The following SERPINI1 variants were observed in gnomAD, a reference collection of about 807,000 sequenced individuals.
The protein encoded by SERPINI1 is neuroserpin.
Under a neutral mutation model 41.1 loss-of-function variants are expected in SERPINI1, and 19 were observed. The observed-to-expected ratio is 0.46, with a 90% CI of 0.32 to 0.68. The LOEUF (loss-of-function observed/expected upper bound fraction) is 0.68. Among genes scored for constraint, SERPINI1 ranks in the 30% least tolerant of loss-of-function variants. The pLI, the probability that SERPINI1 is intolerant of heterozygous loss-of-function variation, is 0.03. For missense variants in SERPINI1, 460 were observed against 479.2 expected (o/e 0.96, Z 0.37); for synonymous variants, 138 against 156.6 (o/e 0.88, Z 0.89).
At chr3:167,811,458 TA>T (rs11361725) in intron 6 of SERPINI1, among the ~76,000 whole-genome samples, 78,986 of 145,850 alleles carry the variant, frequency 0.54, 21,805 homozygotes, top group East Asian at 0.94. Flanking sequence ...ATGAAATGGC[TA>T]AAAAAAAAAA....
intron 2 of SERPINI1, among the ~76,000 whole-genome samples, chr3:167,789,814 T>C (rs1465061020): frequency 6.6e-6 from 1 of 152,198 alleles, no homozygotes; most frequent in Non-Finnish European, 1.5e-5. Flanking sequence ...AAGATTTTTT[T>C]TGAAGTGTTA....
At chr3:167,807,063 T>C (rs986745493) in intron 5 of SERPINI1, among the ~76,000 whole-genome samples, 181 bp from the exon 6 acceptor site, 2 of 152,174 alleles carry the variant, frequency 1.3e-5, no homozygotes, top group African/African-American at 4.8e-5. Flanking sequence ...GTTATGTCAA[T>C]CTCTTTGATG....
chr3:167,768,329 CATA>C (rs2108543889), intron 1 of SERPINI1, among the ~76,000 whole-genome samples: 1 of 152,262 alleles, frequency 6.6e-6, no homozygotes, highest in South Asian at 2.1e-4. Flanking sequence ...TTTTTTTAGA[CATA>C]ATGCTATTGC....
chr3:167,808,051 G>A (rs1265379332), intron 6 of SERPINI1, among the ~76,000 whole-genome samples: 1 of 152,032 alleles, frequency 6.6e-6, no homozygotes, highest in Admixed American at 6.6e-5. Context: ...CCAGGAGGCA[G>A]AGGTTGAAGT....
chr3:167,788,544 C>T (rs1299735839), intron 1 of SERPINI1, among the ~76,000 whole-genome samples: 1 of 152,166 alleles, frequency 6.6e-6, no homozygotes, highest in Non-Finnish European at 1.5e-5. Context: ...AACAATCACA[C>T]AAGGATGTGC....
chr3:167,781,634 C>CT (rs757785091), intron 1 of SERPINI1, among the ~76,000 whole-genome samples: 887 of 81,748 alleles, frequency 0.011, 9 homozygotes, highest in East Asian at 0.044. Context: ...TTCTTTTGGC[C>CT]TTTTTTTTTT....
At chr3:167,819,746 G>A (rs1712246159) in intron 6 of SERPINI1, among the ~76,000 whole-genome samples, 1 of 152,108 alleles carries the variant, frequency 6.6e-6, no homozygotes, top group Non-Finnish European at 1.5e-5. Context: ...GTATTTTGTG[G>A]GTAGAACTTG....
At chr3:167,765,081 C>T (rs1726515147) in intron 1 of SERPINI1, among the ~76,000 whole-genome samples, 1 of 152,186 alleles carries the variant, frequency 6.6e-6, no homozygotes, top group African/African-American at 2.4e-5. Flanking sequence ...GCACACAGTG[C>T]AAGCTATCAG....
intron 1 of SERPINI1, among the ~76,000 whole-genome samples, chr3:167,769,324 A>T (rs548968952): frequency 2.6e-4 from 39 of 152,272 alleles, no homozygotes; most frequent in African/African-American, 9.1e-4. Context: ...CAACGACAGG[A>T]AGCCAAAACA....
chr3:167,754,969 G>C (rs997142713), intron 1 of SERPINI1, among the ~76,000 whole-genome samples: 1 of 152,046 alleles, frequency 6.6e-6, no homozygotes, highest in African/African-American at 2.4e-5. Context: ...CTTTCCTGCT[G>C]TTCACAGATA....
chr3:167,790,031 T>C (rs1477233902), intron 2 of SERPINI1, among the ~76,000 whole-genome samples: 1 of 152,226 alleles, frequency 6.6e-6, no homozygotes, highest in Non-Finnish European at 1.5e-5. Context: ...AAGGATGATC[T>C]TGAATTTTAA....
At chr3:167,754,184 C>T (rs1423030766) in intron 1 of SERPINI1, among the ~76,000 whole-genome samples, 2 of 152,032 alleles carry the variant, frequency 1.3e-5, no homozygotes, top group South Asian at 2.1e-4. Context: ...GGCATGAAAT[C>T]CAGGAGGGAT....
chr3:167,820,588 C>T (rs1256301117), intron 6 of SERPINI1, among the ~76,000 whole-genome samples: 1 of 152,232 alleles, frequency 6.6e-6, no homozygotes, highest in Non-Finnish European at 1.5e-5. Context: ...AACCCCCTGC[C>T]GACTGGGCCC....
intron 1 of SERPINI1, among the ~76,000 whole-genome samples, chr3:167,765,528 C>T (rs1184410265): frequency 6.6e-6 from 1 of 152,236 alleles, no homozygotes; most frequent in Non-Finnish European, 1.5e-5. Flanking sequence ...TCCTCCTAGG[C>T]CTCTGGGCCT....
chr3:167,752,862 T>A (rs1441573830), intron 1 of SERPINI1, among the ~76,000 whole-genome samples: 2 of 152,176 alleles, frequency 1.3e-5, no homozygotes, highest in African/African-American at 2.4e-5. Context: ...AACTCTTATT[T>A]ATCCTCATGT....
At chr3:167,767,290 C>T (rs949031526) in intron 1 of SERPINI1, among the ~76,000 whole-genome samples, 1 of 152,140 alleles carries the variant, frequency 6.6e-6, no homozygotes, top group Non-Finnish European at 1.5e-5. Flanking sequence ...TGCAGCATGA[C>T]TTAGTGGTTA....
At chr3:167,796,476 A>G (rs1350476532) in intron 5 of SERPINI1, among the ~76,000 whole-genome samples, 1 of 152,056 alleles carries the variant, frequency 6.6e-6, no homozygotes, top group African/African-American at 2.4e-5. Context: ...TAAGCCTTGC[A>G]TGCGTTAGCT....
At chr3:167,751,852 T>C (rs1726057514) in intron 1 of SERPINI1, among the ~76,000 whole-genome samples, 1 of 152,066 alleles carries the variant, frequency 6.6e-6, no homozygotes, top group South Asian at 2.1e-4. Context: ...CTGTATACTG[T>C]CCCACAATAT....
Position 167,807,986 on chromosome 3 carries a change from TG to T in SERPINI1, c.979+648del, listed in dbSNP as rs1560015112. 2.0e-5 allele frequency among the ~76,000 whole-genome samples: 3 copies of T among 151,738 alleles called. No homozygotes were observed. In the East Asian group the frequency reaches 5.8e-4, roughly 29 times the overall value. On this transcript the variant is annotated intron_variant, in intron 6 of 8. Transcript: ENST00000446050. ...ACAAAAAATTAGCCACACATGGTGG[TG>T]GGTGCCTGTAATCCTAGCTACTCGG...
Sources: gnomAD v4.1 joint callset for allele counts (sites outside exome capture counted in the v4.1 genomes callset) on GRCh38, gnomAD v4.1.1 for gene constraint, MANE v1.5 for transcripts, NCBI Gene and HGNC (gene_info 2026-07-23, HGNC 2026-07-21) for gene names.